Variants in SIL1 observed in about 807,000 individuals in gnomAD.
SIL1 encodes the protein nucleotide exchange factor SIL1.
In SIL1, 40 loss-of-function variants were observed where a neutral mutation model predicts 49.1. That is an observed-to-expected ratio of 0.81 (90% CI 0.63 to 1.06). The LOEUF (loss-of-function observed/expected upper bound fraction) is 1.06, where lower values mean the gene tolerates loss of function less well. SIL1 is among the 50% of genes least tolerant of loss of function. The probability of loss-of-function intolerance (pLI) is 0.00; values close to 1 mark genes in which losing one functional copy is unlikely to be tolerated. For synonymous variants in SIL1, 253 were observed against 250.8 expected, an observed-to-expected ratio of 1.01 and a Z score of -0.08; for missense variants, 500 against 572.6, an observed-to-expected ratio of 0.87 and a Z score of 1.29.
intron 7 of SIL1, among the ~76,000 whole-genome samples, chr5:138,978,538 C>T (rs1379816531): frequency 1.3e-5 from 2 of 152,188 alleles, no homozygotes; most frequent in African/African-American, 2.4e-5. Flanking sequence ...GGTTTCACTT[C>T]TCTTGGGTAC....
At chr5:139,164,116 C>CAAAAA (rs397999400) in intron 1 of SIL1, among the ~76,000 whole-genome samples, 2 of 114,654 alleles carry the variant, frequency 1.7e-5, no homozygotes, top group African/African-American at 3.2e-5. Flanking sequence ...GAGAATGTCT[C>CAAAAA]AAAAAAAAAA....
In SIL1 at chr5:139,118,549, G is replaced by T. The variant is rs190677660; in HGVS notation, c.244+2486C>A. ...TTGCCCAAGATCCCCTAAGTATCAA[G>T]GCTAGGGTTTGAACCCCAAACTGGC... On this transcript the variant is annotated intron_variant, in intron 3 of 9. Coordinates refer to ENST00000394817, the MANE Select transcript of SIL1 (RefSeq NM_022464.5). Among the ~76,000 whole-genome samples, 26 of 152,250 alleles carry T rather than the reference G, an allele frequency of 1.7e-4. No homozygotes were observed. In the East Asian group the frequency reaches 4.8e-3, roughly 28 times the overall value.
intron 1 of SIL1, among the ~76,000 whole-genome samples, chr5:139,145,494 A>G (rs527622310): frequency 6.6e-6 from 1 of 152,320 alleles, no homozygotes; most frequent in East Asian, 1.9e-4. Context: ...AAAGATGTGA[A>G]AACAGTGACT....
At chr5:139,150,455 T>TA (rs1407714865) in intron 1 of SIL1, among the ~76,000 whole-genome samples, 4 of 152,138 alleles carry the variant, frequency 2.6e-5, no homozygotes, top group Non-Finnish European at 5.9e-5. Flanking sequence ...ATCTACTAAA[T>TA]ATGTCCCTCC....
chr5:138,970,409 G>A (rs1767244176), intron 7 of SIL1, among the ~76,000 whole-genome samples: 1 of 152,228 alleles, frequency 6.6e-6, no homozygotes, highest in African/African-American at 2.4e-5. Flanking sequence ...AGATCAGTTG[G>A]AAGTTGTTTT....
intron 3 of SIL1, among the ~76,000 whole-genome samples, chr5:139,095,207 A>G (rs575497533): frequency 6.6e-6 from 1 of 152,160 alleles, no homozygotes; most frequent in African/African-American, 2.4e-5. Context: ...CCAACTGGAA[A>G]GATGTAAGCT....
Position 138,947,508 on chromosome 5 carries a change from G to A in SIL1, c.1030-35C>T. ...GCCACAGCCGCAGGCCAGGTAGGGT[G>A]GGGGTGGGGAGAGAACACACAGGGA... On this transcript the variant is annotated intron_variant, in intron 9 of 9. Transcript: ENST00000394817. This position sits in a 1 kb window ranked among gnomAD's most constrained non-coding sequence, Gnocchi z 4.1. The A allele has an allele frequency of 6.3e-7, 1 of 1,590,822 alleles. No homozygotes were observed. Among genetic ancestry groups the A allele is most frequent in the Non-Finnish European group, 8.6e-7 (1 of 1,159,598 alleles).
At chr5:139,129,458 GT>G (rs1278086198) in intron 1 of SIL1, among the ~76,000 whole-genome samples, 1 of 152,174 alleles carries the variant, frequency 6.6e-6, no homozygotes, top group Non-Finnish European at 1.5e-5. Context: ...AGATCACAAG[GT>G]CAGGAGATCA....
chr5:139,027,038 G>T, intron 5 of SIL1, 46 bp from the exon 6 acceptor site: 1 of 1,578,620 alleles, frequency 6.3e-7, no homozygotes, highest in Non-Finnish European at 8.7e-7. Context: ...GGAGACATCT[G>T]CCCAAGATGT....
At chr5:138,973,708 T>C (rs990519978) in intron 7 of SIL1, among the ~76,000 whole-genome samples, 9 of 152,040 alleles carry the variant, frequency 5.9e-5, no homozygotes, top group Non-Finnish European at 8.8e-5. Context: ...CCTCCCAGAA[T>C]GCTGGGACTA....
In SIL1 at chr5:139,029,782, G is replaced by A. The variant is rs1768745283; in HGVS notation, c.454-2790C>T. Among the ~76,000 whole-genome samples the A allele has an allele frequency of 2.0e-5, 3 of 151,710 alleles. No individual in the cohort carries two copies. The South Asian group carries it at 6.3e-4, about 32-fold the overall frequency. ...CCAAAGTGCTGAGATTACAGATGTG[G>A]GCCACCATACCCAGCCAAGTTTTTA... On this transcript the variant is annotated intron_variant, in intron 5 of 9. Coordinates refer to ENST00000394817, the MANE Select transcript of SIL1 (RefSeq NM_022464.5).
At chr5:139,053,070 G>A (rs1029500476) in intron 3 of SIL1, among the ~76,000 whole-genome samples, 3 of 152,190 alleles carry the variant, frequency 2.0e-5, no homozygotes, top group Non-Finnish European at 2.9e-5. Flanking sequence ...AGGGCAAGAG[G>A]TAATTTCTTT....
chr5:139,192,647 C>T (rs1752194666), intron 1 of SIL1, among the ~76,000 whole-genome samples: 1 of 152,112 alleles, frequency 6.6e-6, no homozygotes, highest in Non-Finnish European at 1.5e-5. Flanking sequence ...ACCAGAGAAG[C>T]AGATGATAAA....
chr5:139,040,054 C>T (rs1769004454), intron 5 of SIL1, among the ~76,000 whole-genome samples: 1 of 123,432 alleles, frequency 8.1e-6, no homozygotes, highest in East Asian at 2.0e-4. Flanking sequence ...AGGATATGGC[C>T]GAATATCTGA....
chr5:139,101,286 C>T (rs1770582160), intron 3 of SIL1, among the ~76,000 whole-genome samples: 1 of 152,152 alleles, frequency 6.6e-6, no homozygotes, highest in Admixed American at 6.6e-5. Context: ...AGCTGCTCCT[C>T]CCACCTGGAA....
intron 7 of SIL1, among the ~76,000 whole-genome samples, chr5:138,974,790 G>T (rs1767360983): frequency 6.6e-6 from 1 of 152,310 alleles, no homozygotes; most frequent in East Asian, 1.9e-4. Context: ...CAATATTTTA[G>T]TGACAGCTCT....
chr5:139,197,664 G>T (rs947178594), intron 1 of SIL1, among the ~76,000 whole-genome samples: 1 of 152,124 alleles, frequency 6.6e-6, no homozygotes, highest in African/African-American at 2.4e-5. Context: ...CTGAAGCAGG[G>T]ATTTTCAAAG....
intron 7 of SIL1, among the ~76,000 whole-genome samples, chr5:138,988,134 A>G (rs535139719): frequency 1.3e-5 from 2 of 152,164 alleles, no homozygotes; most frequent in Non-Finnish European, 2.9e-5. Flanking sequence ...CGCCTGGCCA[A>G]GTTTTTTACT....
At chr5:139,114,497 T>C (rs931648586) in intron 3 of SIL1, among the ~76,000 whole-genome samples, 3 of 152,178 alleles carry the variant, frequency 2.0e-5, no homozygotes, top group Non-Finnish European at 2.9e-5. Context: ...CCTGGCATCC[T>C]TCCATCCCCC....
Sources: gnomAD v4.1 joint callset for allele counts (sites outside exome capture counted in the v4.1 genomes callset) on GRCh38, gnomAD v4.1.1 for gene constraint, Gnocchi (gnomAD v3.1) non-coding constraint, MANE v1.5 for transcripts, NCBI Gene and HGNC (gene_info 2026-07-23, HGNC 2026-07-21) for gene names.